Variants in SLC41A3 observed in about 807,000 individuals in gnomAD.
SLC41A3 encodes SLC41A1-like 2.
A neutral mutation model predicts 45.4 loss-of-function variants in SLC41A3; 44 were observed. That is an observed-to-expected ratio of 0.97 (90% CI 0.76 to 1.25). The LOEUF (loss-of-function observed/expected upper bound fraction) is 1.25. Ranked by LOEUF, SLC41A3 falls within the 50% of genes most tolerant of loss-of-function variation. The pLI, the probability that SLC41A3 is intolerant of heterozygous loss-of-function variation, is 0.00. For missense variants in SLC41A3, 550 were observed against 600.6 expected, an observed-to-expected ratio of 0.92 and a Z score of 0.88; for synonymous variants, 256 against 252.4, an observed-to-expected ratio of 1.01 and a Z score of -0.13.
intron 3 of SLC41A3, among the ~76,000 whole-genome samples, chr3:126,041,075 C>A (rs1942559791): frequency 6.6e-6 from 1 of 151,964 alleles, no homozygotes. Context: ...AAATAAAAAA[C>A]AAAAACAAAA....
At chr3:126,061,692 G>A (rs1023808992) in intron 2 of SLC41A3, among the ~76,000 whole-genome samples, 1 of 152,132 alleles carries the variant, frequency 6.6e-6, no homozygotes, top group African/African-American at 2.4e-5. Flanking sequence ...TTGATGAGGT[G>A]AAGAGGAGGT....
intron 9 of SLC41A3, among the ~76,000 whole-genome samples, chr3:126,011,983 A>G (rs1431140797): frequency 2.0e-5 from 3 of 152,266 alleles, no homozygotes; most frequent in African/African-American, 7.2e-5. Context: ...TTCTGAGTAG[A>G]ATCCAGGTTC....
chr3:126,022,087 A>ACT (rs10636576), intron 6 of SLC41A3, among the ~76,000 whole-genome samples: 103,563 of 151,910 alleles, frequency 0.68, 36,750 homozygotes, highest in African/African-American at 0.89. Flanking sequence ...CTTCAAGTGT[A>ACT]CTCTCTAATA....
chr3:126,060,280 G>A (rs1319087873), intron 2 of SLC41A3, among the ~76,000 whole-genome samples: 2 of 152,190 alleles, frequency 1.3e-5, no homozygotes, highest in African/African-American at 2.4e-5. Context: ...TTAGCTGGGC[G>A]TGGTGGCGCA....
chr3:126,008,752 G>A lies in SLC41A3; in HGVS notation c.1234C>T (p.Leu412=), dbSNP rs1939396210. ...CTTACCTGGATCAGGCCTGCCAGCA[G>A]GTAGAGCACCACAAAGGTCTGGCTG... ...INSQTFVVLY[L]LAGLIQVTIL... is the part of the protein sequence containing the mutation. The change falls in exon 10 of 11, where the codon CTG becomes TTG. Residue 412 remains leucine (L), a synonymous_variant. Coordinates refer to ENST00000360370, the MANE Select transcript of SLC41A3 (RefSeq NM_017836.4). 1 of 1,614,008 alleles carries A rather than the reference G, an allele frequency of 6.2e-7. No homozygotes were observed. The highest frequency in any genetic ancestry group is 8.5e-7 in the Non-Finnish European group (1 of 1,179,896).
chr3:126,014,061 G>A (rs373398222), intron 8 of SLC41A3, among the ~76,000 whole-genome samples: 1 of 152,096 alleles, frequency 6.6e-6, no homozygotes, highest in African/African-American at 2.4e-5. Context: ...GGGCAGATGC[G>A]GGGGCGGGCT....
At position 126,101,149 on chromosome 3, in the gene SLC41A3, G is replaced by A. The variant is rs1449457778; in HGVS notation, c.-79+280C>T. Among the ~76,000 whole-genome samples the A allele has an allele frequency of 3.3e-5, 5 of 152,312 alleles. No homozygotes were observed. The East Asian group carries it at 5.8e-4, about 18-fold the overall frequency. On this transcript the variant is annotated intron_variant, in intron 1 of 9. Coordinates refer to the SLC41A3 transcript ENST00000508835. ...GCGGGGTTGGGCAATGCCCATCGCC[G>A]TGTCACTGGGTCTGCTTCCAGCCAG...
At chr3:126,040,917 T>C (rs1942550782) in intron 3 of SLC41A3, among the ~76,000 whole-genome samples, 1 of 152,082 alleles carries the variant, frequency 6.6e-6, no homozygotes, top group African/African-American at 2.4e-5. Context: ...CCAATGGAAG[T>C]ACAAAATCTA....
intron 3 of SLC41A3, among the ~76,000 whole-genome samples, chr3:126,039,005 T>C (rs1942400115): frequency 1.3e-5 from 2 of 152,108 alleles, no homozygotes; most frequent in Admixed American, 1.3e-4. Flanking sequence ...CCTCCCTCCC[T>C]CTCGCTCCGT....
chr3:126,014,832 C>T (rs1381845865), intron 8 of SLC41A3, among the ~76,000 whole-genome samples: 1 of 152,138 alleles, frequency 6.6e-6, no homozygotes, highest in African/African-American at 2.4e-5. Flanking sequence ...TATCAGACAC[C>T]AGACACCAAG....
chr3:126,086,192 T>G (rs1022322704), upstream of SLC41A3, among the ~76,000 whole-genome samples: 15 of 152,298 alleles, frequency 9.8e-5, no homozygotes, highest in African/African-American at 3.4e-4. Flanking sequence ...TTATGGTGCG[T>G]CTACTTGCCA....
chr3:126,056,652 T>C (rs1943688275), intron 2 of SLC41A3: 1 of 1,473,758 alleles, frequency 6.8e-7, no homozygotes, highest in Non-Finnish European at 9.0e-7. Context: ...TCCCAAGAAG[T>C]CCACACAAAC....
At chr3:126,052,927 C>G (rs1317096867) in intron 2 of SLC41A3, among the ~76,000 whole-genome samples, 4 of 152,202 alleles carry the variant, frequency 2.6e-5, no homozygotes, top group Admixed American at 2.6e-4. Context: ...TCCATGCTCC[C>G]GGGGCTTTCA....
chr3:126,090,112 A>C (rs1329159070), intron 1 of SLC41A3, among the ~76,000 whole-genome samples: 1 of 150,478 alleles, frequency 6.6e-6, no homozygotes, highest in Non-Finnish European at 1.5e-5. Flanking sequence ...AAGTTCTCCA[A>C]AATCTGGATT....
In SLC41A3 at chr3:126,016,861, T is replaced by C. The variant is rs762898319; in HGVS notation, c.760A>G (p.Thr254Ala). The change falls in exon 7 of 11, where the codon ACG becomes GCG. Residue 254 changes from threonine to alanine, a missense_variant. Physicochemically the swap from Thr to Ala is moderately conservative, Grantham distance 58 (BLOSUM62 0). Transcript: ENST00000360370. The part of the protein sequence containing the change: ...FYRHKDSRYL[T>A]PLVCLSFAAL... ...GCAAAGCTGAGGCAGACCAGCGGCG[T>C]CAGATACCGACTATCTGAAAGGAGA... The C allele has an allele frequency of 6.2e-7, 1 of 1,612,504 alleles. No individual in the cohort carries two copies. The highest frequency in any genetic ancestry group is 8.5e-7 in the Non-Finnish European group (1 of 1,179,866).
chr3:126,071,064 A>G (rs575314115), intron 1 of SLC41A3, among the ~76,000 whole-genome samples: 53 of 152,360 alleles, frequency 3.5e-4, no homozygotes, highest in African/African-American at 1.2e-3. Flanking sequence ...ACTTAGTACA[A>G]AACAATGCAG....
chr3:126,053,581 T>C lies in SLC41A3; in HGVS notation c.274-2531A>G, dbSNP rs148073868. Among the ~76,000 whole-genome samples the C allele has an allele frequency of 5.0e-3, 758 of 152,160 alleles. 4 individuals are homozygous for C. Among genetic ancestry groups the C allele is most frequent in the Non-Finnish European group, 8.0e-3 (544 of 67,994 alleles). ...GTGTCTTTGTTTTTACCTAACCAAT[T>C]CTGGCACTGTCCTATCTCTAGACTT... On this transcript the variant is annotated intron_variant, in intron 2 of 10. Transcript: ENST00000360370.
chr3:126,054,077 G>T (rs1943509730), intron 2 of SLC41A3, among the ~76,000 whole-genome samples: 1 of 152,008 alleles, frequency 6.6e-6, no homozygotes. Context: ...TCACCCTCGG[G>T]GTCATCTTTG....
At chr3:126,077,256 T>C (rs1944922531) in intron 1 of SLC41A3, among the ~76,000 whole-genome samples, 1 of 152,076 alleles carries the variant, frequency 6.6e-6, no homozygotes, top group Admixed American at 6.5e-5. Context: ...GATGCACACC[T>C]GTAGTCCCAG....
Sources: gnomAD v4.1 joint callset for allele counts (sites outside exome capture counted in the v4.1 genomes callset) on GRCh38, gnomAD v4.1.1 for gene constraint, MANE v1.5 for transcripts, NCBI Gene and HGNC (gene_info 2026-07-23, HGNC 2026-07-21) for gene names.